The following ARID1B variants were observed in gnomAD, a reference collection of about 807,000 sequenced individuals.
ARID1B encodes AT-rich interaction domain 1B.
ARID1B carries 30 observed loss-of-function variants against 212.3 expected under a neutral mutation model. The ratio of observed to expected loss-of-function variants is 0.14; its 90% CI spans 0.11 to 0.19. The LOEUF (loss-of-function observed/expected upper bound fraction) is 0.19. Among genes scored for constraint, ARID1B ranks in the 10% least tolerant of loss-of-function variants. The probability of loss-of-function intolerance (pLI) is 1.00; values close to 1 mark genes in which losing one functional copy is unlikely to be tolerated. For synonymous variants in ARID1B, 1,402 were observed against 1,301.7 expected (o/e 1.08, Z -1.66); for missense variants, 2,891 against 3,204.0 (o/e 0.90, Z 2.36).
chr6:156,940,018 G>A (rs555937252), intron 4 of ARID1B: 2 of 152,182 alleles, frequency 1.3e-5, no homozygotes, highest in African/African-American at 4.8e-5. Context: ...TTCCCTCCAG[G>A]GATCTGAAGA....
chr6:157,142,138 G>A (rs1789404837), intron 7 of ARID1B, among the ~76,000 whole-genome samples: 3 of 152,214 alleles, frequency 2.0e-5, no homozygotes, highest in African/African-American at 7.2e-5. Flanking sequence ...GTGACTCCAT[G>A]TGACGTTGTA....
At chr6:156,980,197 T>G (rs1269268038) in intron 4 of ARID1B, among the ~76,000 whole-genome samples, 1 of 152,148 alleles carries the variant, frequency 6.6e-6, no homozygotes, top group African/African-American at 2.4e-5. Context: ...AAAGAATCAT[T>G]GAAGGTCGGG....
intron 5 of ARID1B, among the ~76,000 whole-genome samples, chr6:157,098,957 C>G (rs141958927): frequency 3.6e-4 from 55 of 152,222 alleles, no homozygotes; most frequent in African/African-American, 1.3e-3. Flanking sequence ...TTTTATGACT[C>G]CAGTTTATTT....
chr6:156,818,124 T>TTCC (rs1554255156), intron 1 of ARID1B, among the ~76,000 whole-genome samples: 3 of 133,380 alleles, frequency 2.2e-5, no homozygotes, highest in African/African-American at 8.3e-5. Context: ...TTTTTTTTTT[T>TTCC]AGAATATAAG....
intron 4 of ARID1B, among the ~76,000 whole-genome samples, chr6:157,054,276 G>A (rs1191022838): frequency 6.6e-6 from 1 of 151,852 alleles, no homozygotes; most frequent in Non-Finnish European, 1.5e-5. Flanking sequence ...CCTTAGATTA[G>A]GTTTTTCCCC....
chr6:157,143,973 G>A (rs1010842704), intron 7 of ARID1B, among the ~76,000 whole-genome samples: 4 of 152,234 alleles, frequency 2.6e-5, no homozygotes, highest in Non-Finnish European at 4.4e-5. Flanking sequence ...GTGCACACAC[G>A]CGTGTCTTGG....
intron 4 of ARID1B, among the ~76,000 whole-genome samples, chr6:157,039,822 CTCTTTCTCTCTT>C (rs1417055580): frequency 7.2e-4 from 80 of 111,442 alleles, no homozygotes; most frequent in Non-Finnish European, 1.9e-4. Flanking sequence ...TTCTTTTTCT[CTCTTTCTCTCTT>C]TCTTTCTCTC....
intron 4 of ARID1B, among the ~76,000 whole-genome samples, chr6:157,001,080 C>T (rs1778887112): frequency 6.6e-6 from 1 of 152,170 alleles, no homozygotes; most frequent in African/African-American, 2.4e-5. Context: ...CTCTAGAATA[C>T]ATTTTATAGC....
intron 2 of ARID1B, among the ~76,000 whole-genome samples, chr6:156,843,525 G>A (rs987529441): frequency 6.6e-6 from 1 of 152,124 alleles, no homozygotes; most frequent in Non-Finnish European, 1.5e-5. Flanking sequence ...AGTGCGCACA[G>A]GTAGGGATGT....
intron 6 of ARID1B, among the ~76,000 whole-genome samples, chr6:157,113,189 G>A (rs113129567): frequency 4.6e-5 from 7 of 152,244 alleles, no homozygotes; most frequent in African/African-American, 1.7e-4. Context: ...TCAAAGTGCT[G>A]GGATTACAGG....
At chr6:156,838,709 T>TATTATAATA (rs1554257811) in intron 2 of ARID1B, among the ~76,000 whole-genome samples, 3 of 145,832 alleles carry the variant, frequency 2.1e-5, no homozygotes, top group Admixed American at 6.9e-5. Context: ...GAACTTAAAG[T>TATTATAATA]ATAATAATAA....
In ARID1B at chr6:156,841,040, A is replaced by G. The variant is rs1383602384; in HGVS notation, c.1986+11619A>G. ...AAGTAGTTAGGATGCCGTACATACAAAACAGATGTTTTTCTGTTAGGGATT... is the reference window on the plus strand; with the variant it reads ...AAGTAGTTAGGATGCCGTACATACAGAACAGATGTTTTTCTGTTAGGGATT... On this transcript the variant is annotated intron_variant, in intron 2 of 19. Transcript: ENST00000636930. 2.0e-5 allele frequency among the ~76,000 whole-genome samples: 3 copies of G among 152,304 alleles called. No individual in the cohort carries two copies. The East Asian group carries it at 5.8e-4, about 29-fold the overall frequency.
Position 157,166,909 on chromosome 6 carries a change from C to G in ARID1B, c.3090-131C>G, listed in dbSNP as rs1791363444. The G allele has an allele frequency of 2.4e-6, 3 of 1,260,834 alleles. No homozygotes were observed. The South Asian group carries it at 4.8e-5, about 20-fold the overall frequency. The allele number at this position is 1,260,834 out of a possible 1,614,324, so 78.1% of individuals were successfully genotyped here. On this transcript the variant is annotated intron_variant, in intron 8 of 19. Transcript: ENST00000636930. Reference sequence around the variant, plus strand: ...TCAGCCTTTCTCTCCAGGAAATAATCTGTTTTACACAAACATGAAAAGTTA... The same window carrying G: ...TCAGCCTTTCTCTCCAGGAAATAATGTGTTTTACACAAACATGAAAAGTTA...
At chr6:157,193,517 G>A (rs1003312517) in intron 15 of ARID1B, 2 of 152,194 alleles carry the variant, frequency 1.3e-5, no homozygotes, top group African/African-American at 4.8e-5. Context: ...TGTCAGCTAG[G>A]ATATTGAGGT....
intron 7 of ARID1B, among the ~76,000 whole-genome samples, chr6:157,137,303 T>G (rs1788995249): frequency 6.6e-6 from 1 of 152,192 alleles, no homozygotes; most frequent in Non-Finnish European, 1.5e-5. Flanking sequence ...TAAAAATACT[T>G]AATTACAGTA....
chr6:156,905,935 T>A (rs1789340005), intron 3 of ARID1B, among the ~76,000 whole-genome samples: 1 of 152,238 alleles, frequency 6.6e-6, no homozygotes, highest in East Asian at 1.9e-4. Context: ...CAGAAGCACT[T>A]TACTTGAATA....
rs566250339 is a variant in ARID1B, at chr6:156,942,435, G to C, written c.2247+6859G>C. ...CACGGAGCTCTTCTGTGGTCTGGAT[G>C]CCTGGGCCACAGAGGCAGCGTGGAC... On this transcript the variant is annotated intron_variant, in intron 4 of 19. Transcript: ENST00000636930. The C allele has an allele frequency of 1.5e-3, 226 of 152,282 alleles. 1 individual carries two copies. Among genetic ancestry groups the C allele is most frequent in the East Asian group, 1.9e-3 (10 of 5,178 alleles). 9.4% of individuals were successfully genotyped at this position (152,282 alleles called of 1,614,324 possible).
intron 4 of ARID1B, among the ~76,000 whole-genome samples, chr6:156,964,205 G>T (rs556629161): frequency 6.6e-6 from 1 of 152,216 alleles, no homozygotes; most frequent in African/African-American, 2.4e-5. Flanking sequence ...GTCAAAGCTC[G>T]CAGTGACATC....
At chr6:156,829,448 C>A in intron 2 of ARID1B, 27 bp downstream of exon 2, 2 of 1,594,942 alleles carry the variant, frequency 1.3e-6, no homozygotes, top group Non-Finnish European at 1.7e-6. Flanking sequence ...CGACCCGCTG[C>A]TTTTTTGTAA....
Sources: allele counts gnomAD v4.1 joint callset (sites outside exome capture counted in the v4.1 genomes callset), GRCh38; gene constraint gnomAD v4.1.1; transcripts MANE v1.5; gene names NCBI Gene and HGNC (gene_info 2026-07-23, HGNC 2026-07-21).